Variants in PPFIA1 observed in about 807,000 individuals in gnomAD.
PPFIA1 encodes the protein PPFI scaffold protein A1.
In PPFIA1, 25 loss-of-function variants were observed where a neutral mutation model predicts 149.9. The ratio of observed to expected loss-of-function variants is 0.17; its 90% confidence interval spans 0.12 to 0.23. The LOEUF (loss-of-function observed/expected upper bound fraction) is 0.23. PPFIA1 is among the 10% of genes least tolerant of loss of function. PPFIA1 has a pLI of 1.00. For missense variants in PPFIA1, 1,362 were observed against 1,506.5 expected, an observed-to-expected ratio of 0.90 and a Z score of 1.59; for synonymous variants, 549 against 552.8, an observed-to-expected ratio of 0.99 and a Z score of 0.10.
intron 16 of PPFIA1, among the ~76,000 whole-genome samples, chr11:70,349,148 A>G (rs2055895381): frequency 6.6e-6 from 1 of 151,570 alleles, no homozygotes; most frequent in Non-Finnish European, 1.5e-5. Flanking sequence ...AAAAAAAAAA[A>G]AAAAAAAAAG....
chr11:70,295,900 G>T, intron 2 of PPFIA1, among the ~76,000 whole-genome samples: 1 of 151,634 alleles, frequency 6.6e-6, no homozygotes, highest in East Asian at 2.0e-4. Context: ...CGGCTGCCGG[G>T]CGGAGGGTCT....
intron 2 of PPFIA1, among the ~76,000 whole-genome samples, chr11:70,288,770 G>C (rs2051323830): frequency 1.3e-5 from 2 of 151,976 alleles, no homozygotes; most frequent in Admixed American, 1.3e-4. Context: ...GTGTCTTTTT[G>C]CCAAGACCCC....
intron 2 of PPFIA1, among the ~76,000 whole-genome samples, chr11:70,290,276 G>A (rs1228636037): frequency 6.6e-6 from 1 of 152,064 alleles, no homozygotes; most frequent in Non-Finnish European, 1.5e-5. Context: ...CATTTACATG[G>A]TTCAAAAGAC....
rs114356515 is a variant in PPFIA1 at position 70,375,499 on chromosome 11, T to C, written c.3315+406T>C. 2.7e-3 allele frequency: 419 copies of C among 153,120 alleles called. 3 individuals carry two copies. Among genetic ancestry groups the C allele is most frequent in the African/African-American group, 9.5e-3 (397 of 41,574 alleles). The allele number at this position is 153,120 out of a possible 1,614,324, so 9.5% of individuals were successfully genotyped here. A position where few individuals can be genotyped will look rare whatever the true frequency, so the allele number is the denominator to read the frequency against. On this transcript the variant is annotated intron_variant, in intron 24 of 27. Coordinates refer to ENST00000253925, the MANE Select transcript of PPFIA1 (RefSeq NM_003626.5). ...GGAACTTTTATTCCTCTACAGAACATTGAATATGCCAGGCAAGGTGGCTCA... is the reference window on the plus strand; with the variant it reads ...GGAACTTTTATTCCTCTACAGAACACTGAATATGCCAGGCAAGGTGGCTCA...
At position 70,316,072 on chromosome 11, in the gene PPFIA1, T is replaced by A. The variant is rs564500381; in HGVS notation, c.265-8330T>A. ...TGTCAGAATTTCCTTCCTTTTTTTTTAAATTTTTTTTTCTTTGAGACAGAG... is the reference window on the plus strand; with the variant it reads ...TGTCAGAATTTCCTTCCTTTTTTTTAAAATTTTTTTTTCTTTGAGACAGAG... On this transcript the variant is annotated intron_variant, in intron 2 of 27. Coordinates refer to ENST00000253925, the MANE Select transcript of PPFIA1 (RefSeq NM_003626.5). Among the ~76,000 whole-genome samples, 268 of 152,174 alleles carry A rather than the reference T, an allele frequency of 1.8e-3. 1 individual carries two copies. Among genetic ancestry groups the A allele is most frequent in the African/African-American group, 5.5e-3 (228 of 41,518 alleles).
chr11:70,337,210 A>G (rs978438497), intron 11 of PPFIA1, among the ~76,000 whole-genome samples, 155 bp from the exon 12 acceptor site: 7 of 152,094 alleles, frequency 4.6e-5, no homozygotes, highest in African/African-American at 1.7e-4. Flanking sequence ...TCGCCGCCTC[A>G]CGGTCTAACC....
At chr11:70,376,842 C>T (rs571885275) in intron 25 of PPFIA1, among the ~76,000 whole-genome samples, 84 of 152,270 alleles carry the variant, frequency 5.5e-4, no homozygotes, top group Non-Finnish European at 1.1e-3. Context: ...GAGGCTGAGG[C>T]GGGCGGATCA....
chr11:70,381,971 C>A (rs1255357867), intron 26 of PPFIA1, 117 bp from the exon 27 acceptor site: 6 of 828,636 alleles, frequency 7.2e-6, no homozygotes, highest in South Asian at 1.7e-5. Context: ...CCCCTCAGGT[C>A]CCTCCGTAGG....
rs377009014 is a variant in PPFIA1 at position 70,352,599 on chromosome 11, T to C, written c.2164-1702T>C. ...GTGCCAGGCCTTGTCTACAAGAGAC[T>C]GTCGCCTTCCTTCTCTGTGTCAGTG... On this transcript the variant is annotated intron_variant, in intron 16 of 27. Transcript: ENST00000253925. Among the ~76,000 whole-genome samples, 5 of 152,112 alleles carry C rather than the reference T, an allele frequency of 3.3e-5. No individual in the cohort carries two copies. In the East Asian group the frequency reaches 9.7e-4, roughly 29 times the overall value.
chr11:70,292,142 C>T (rs916443822), intron 2 of PPFIA1, among the ~76,000 whole-genome samples: 2 of 152,086 alleles, frequency 1.3e-5, no homozygotes, highest in Non-Finnish European at 2.9e-5. Context: ...TGGCCAGTCG[C>T]CTGGCTAATT....
intron 21 of PPFIA1, chr11:70,365,496 G>A (rs2056876386): frequency 4.4e-6 from 2 of 449,544 alleles, no homozygotes; most frequent in Admixed American, 2.4e-5. Context: ...GACCGTCTGG[G>A]TTCTTTGCCT....
chr11:70,281,167 TG>T (rs913839189), intron 2 of PPFIA1, among the ~76,000 whole-genome samples: 8 of 152,224 alleles, frequency 5.3e-5, no homozygotes. Flanking sequence ...CGCCCATTTT[TG>T]TTTTTTTAAT....
rs747470946 is a variant in PPFIA1, at chr11:70,362,306, G to A, written c.2683G>A (p.Ala895Thr). 1 of 1,614,202 alleles carries A rather than the reference G, an allele frequency of 6.2e-7. No individual in the cohort carries two copies. The change falls in exon 21 of 28, where the codon GCC becomes ACC. Residue 895 changes from alanine (A) to threonine (T), a missense_variant. This residue lies in a region of PPFIA1 where 8 missense variants were observed against 26.5 expected (regional missense o/e 0.30). Transcript: ENST00000253925. The part of the protein sequence containing the change: ...VWLELWVGMP[A>T]WYVAACRANV... ...CCTCCAGCTCTGGGTTGGGATGCCA[G>A]CCTGGTATGTGGCTGCCTGCCGAGC...
At chr11:70,281,926 G>A (rs569443807) in intron 2 of PPFIA1, among the ~76,000 whole-genome samples, 63 of 152,292 alleles carry the variant, frequency 4.1e-4, no homozygotes, top group African/African-American at 1.4e-3. Flanking sequence ...TGAAGCGGGC[G>A]TGCTCTCTCT....
At chr11:70,333,255 A>G (rs538604350) in intron 9 of PPFIA1, among the ~76,000 whole-genome samples, 1 of 152,198 alleles carries the variant, frequency 6.6e-6, no homozygotes, top group African/African-American at 2.4e-5. Flanking sequence ...AGCAGCAGCC[A>G]TGCTTCAGAA....
chr11:70,361,326 G>A (rs1364944321), intron 19 of PPFIA1, among the ~76,000 whole-genome samples: 2 of 152,136 alleles, frequency 1.3e-5, no homozygotes, highest in African/African-American at 2.4e-5. Context: ...TGGTATTTCC[G>A]TATCACGTAG....
At chr11:70,344,667 T>G (rs1211408759) in intron 15 of PPFIA1, among the ~76,000 whole-genome samples, 1 of 152,246 alleles carries the variant, frequency 6.6e-6, no homozygotes, top group Non-Finnish European at 1.5e-5. Context: ...AGTATAATTT[T>G]AGCCCCCATC....
intron 2 of PPFIA1, among the ~76,000 whole-genome samples, chr11:70,273,913 G>A (rs768456861): frequency 6.6e-6 from 1 of 152,162 alleles, no homozygotes; most frequent in Non-Finnish European, 1.5e-5. Context: ...GAAAGAATGG[G>A]CACACAAGAC....
intron 16 of PPFIA1, chr11:70,350,047 C>T (rs1489616608): frequency 6.9e-6 from 3 of 436,762 alleles, no homozygotes; most frequent in Non-Finnish European, 1.4e-5. Flanking sequence ...CAGGTAACCA[C>T]GCAACTGTGT....
Sources: gnomAD v4.1 joint callset for allele counts (sites outside exome capture counted in the v4.1 genomes callset) on GRCh38, gnomAD v4.1.1 for gene constraint, gnomAD v4.1.1 regional missense constraint, MANE v1.5 for transcripts, NCBI Gene and HGNC (gene_info 2026-07-23, HGNC 2026-07-21) for gene names.